ATPAF1: variants seen among roughly 807,000 people sequenced by gnomAD.
ATPAF1 encodes ATP synthase mitochondrial F1 complex assembly factor 1.
A neutral mutation model predicts 43.9 loss-of-function variants in ATPAF1; 26 were observed. The observed-to-expected ratio is 0.59, with a 90% CI of 0.43 to 0.82. The LOEUF (loss-of-function observed/expected upper bound fraction) is 0.82, where lower values mean the gene tolerates loss of function less well. ATPAF1 is among the 40% of genes least tolerant of loss of function. The pLI is 0.00. For missense variants in ATPAF1, 366 were observed against 435.0 expected (o/e 0.84, Z 1.41); for synonymous variants, 157 against 168.0 (o/e 0.93, Z 0.50).
chr1:46,637,483 C>G lies in ATPAF1; in HGVS notation c.793-1513G>C, dbSNP rs116167937. On this transcript the variant is annotated intron_variant, in intron 8 of 8. Coordinates refer to ENST00000574428, the Ensembl canonical transcript of ATPAF1. ...TCAGACAACTCTTACTTTTGCTATACATTCTGCAGTTCTAGTCGGTCAGAG... is the reference window on the plus strand; with the variant it reads ...TCAGACAACTCTTACTTTTGCTATAGATTCTGCAGTTCTAGTCGGTCAGAG... Among the ~76,000 whole-genome samples, 484 of 152,314 alleles carry G rather than the reference C, an allele frequency of 3.2e-3. 2 individuals are homozygous for G. The highest frequency in any genetic ancestry group is 0.011 in the African/African-American group (463 of 41,556).
chr1:46,643,094 T>C (rs1675978187), intron 8 of ATPAF1, 100 bp downstream of exon 8: 1 of 909,292 alleles, frequency 1.1e-6, no homozygotes, highest in Non-Finnish European at 1.7e-6. Context: ...ACAAGGTATA[T>C]GTAGCTCTTT....
intron 6 of ATPAF1, among the ~76,000 whole-genome samples, chr1:46,652,220 AAAG>A (rs1676183923): frequency 6.6e-6 from 1 of 151,806 alleles, no homozygotes; most frequent in African/African-American, 2.4e-5. Flanking sequence ...AAAAAAAAAA[AAAG>A]AAGTTGAAAA....
chr1:46,667,405 A>G (rs1419102084), intron 1 of ATPAF1, among the ~76,000 whole-genome samples: 1 of 152,108 alleles, frequency 6.6e-6, no homozygotes, highest in Non-Finnish European at 1.5e-5. Flanking sequence ...ATAGCCCCTC[A>G]TATGCACCTT....
At chr1:46,645,990 T>C (rs1472632565) in intron 6 of ATPAF1, among the ~76,000 whole-genome samples, 4 of 151,974 alleles carry the variant, frequency 2.6e-5, no homozygotes, top group Admixed American at 2.0e-4. Flanking sequence ...ACCTGGACAA[T>C]ACAGTGAGAC....
chr1:46,638,356 C>T (rs575259131), intron 8 of ATPAF1, among the ~76,000 whole-genome samples: 15 of 152,292 alleles, frequency 9.8e-5, no homozygotes, highest in African/African-American at 3.1e-4. Context: ...TGGTGGCTCA[C>T]GCCTATAATC....
intron 6 of ATPAF1, among the ~76,000 whole-genome samples, chr1:46,651,494 T>C (rs1676169257): frequency 6.6e-6 from 1 of 152,224 alleles, no homozygotes; most frequent in South Asian, 2.1e-4. Flanking sequence ...GCATGATTTA[T>C]AGTCCTTTGG....
At chr1:46,666,817 A>G in intron 1 of ATPAF1, among the ~76,000 whole-genome samples, 1 of 152,204 alleles carries the variant, frequency 6.6e-6, no homozygotes, top group East Asian at 1.9e-4. Flanking sequence ...GTATGTGTAA[A>G]TGTTGATGGG....
intron 5 of ATPAF1, among the ~76,000 whole-genome samples, chr1:46,652,864 C>G (rs1243728993): frequency 6.6e-6 from 1 of 152,092 alleles, no homozygotes; most frequent in Non-Finnish European, 1.5e-5. Context: ...CTCCAGGGAA[C>G]TTTAACAATT....
In ATPAF1 at chr1:46,668,264, G is replaced by A. The variant is rs1190105551; in HGVS notation, c.59C>T (p.Ala20Val). 2.2e-6 allele frequency: 3 copies of A among 1,388,602 alleles called. No individual in the cohort carries two copies. The highest frequency in any genetic ancestry group is 1.5e-5 in the South Asian group (1 of 64,764). 86.0% of individuals were successfully genotyped at this position (1,388,602 alleles called of 1,614,324 possible). The change falls in exon 1 of 9, where the codon GCC (alanine) becomes GTC (valine). Residue 20 changes from alanine to valine, a missense_variant. Physicochemically the swap from Ala to Val is moderately conservative, Grantham distance 64. Coordinates refer to ENST00000574428, the Ensembl canonical transcript of ATPAF1. The surrounding 1 kb of genome is among the most constrained non-coding windows in gnomAD (Gnocchi z 4.4). ...CGCGCACAGGCCCCGGTAGAGACCG[G>A]CCACCTGCAGGACCGCCGGTCCCGC... is the stretch of plus-strand genomic sequence containing the variant.
chr1:46,636,104 C>G (rs771994346), intron 8 of ATPAF1, 134 bp from the exon 9 acceptor site: 22 of 962,006 alleles, frequency 2.3e-5, no homozygotes, highest in Non-Finnish European at 3.6e-5. Flanking sequence ...CTTGAAGTCC[C>G]TAGTCTTGGT....
At chr1:46,651,814 T>C (rs1010422679) in intron 6 of ATPAF1, among the ~76,000 whole-genome samples, 2 of 151,822 alleles carry the variant, frequency 1.3e-5, no homozygotes, top group African/African-American at 2.4e-5. Flanking sequence ...GAATCTACAA[T>C]GAACTCAAAC....
intron 6 of ATPAF1, among the ~76,000 whole-genome samples, chr1:46,649,805 A>G (rs1339206966): frequency 6.6e-6 from 1 of 152,060 alleles, no homozygotes; most frequent in African/African-American, 2.4e-5. Flanking sequence ...GCATGTTTGT[A>G]ATCCCAGCTA....
chr1:46,639,063 C>T (rs1675899024), intron 8 of ATPAF1, among the ~76,000 whole-genome samples: 2 of 152,168 alleles, frequency 1.3e-5, no homozygotes, highest in South Asian at 4.1e-4. Flanking sequence ...TAGACTTGAA[C>T]TACACAATGT....
intron 7 of ATPAF1, 36 bp from the exon 8 acceptor site, chr1:46,643,337 T>C (rs1199722680): frequency 6.6e-7 from 1 of 1,512,616 alleles, no homozygotes; most frequent in Non-Finnish European, 9.1e-7. Context: ...CTCAATAAGG[T>C]ACCATCACAA....
At chr1:46,659,629 A>C (rs1371681774) in intron 2 of ATPAF1, among the ~76,000 whole-genome samples, 1 of 152,184 alleles carries the variant, frequency 6.6e-6, no homozygotes, top group Non-Finnish European at 1.5e-5. Flanking sequence ...TATCTCTCAT[A>C]AAGGTCATAG....
intron 1 of ATPAF1, among the ~76,000 whole-genome samples, chr1:46,667,791 G>A (rs1362270737): frequency 2.6e-5 from 4 of 152,196 alleles, no homozygotes; most frequent in African/African-American, 9.6e-5. Flanking sequence ...GCCTGCCTCA[G>A]GGCTGTCATA....
intron 2 of ATPAF1, 118 bp downstream of exon 2, chr1:46,665,138 G>T: frequency 1.1e-6 from 1 of 879,192 alleles, no homozygotes. Context: ...AGTTGGGAGA[G>T]ACTATGTTCA....
exon 3 of ATPAF1, chr1:46,658,690 G>C: frequency 6.3e-7 from 1 of 1,597,702 alleles, no homozygotes; most frequent in South Asian, 1.1e-5. Context: ...AACCTACCTT[G>C]TCCTTAGTGA....
intron 6 of ATPAF1, among the ~76,000 whole-genome samples, chr1:46,648,452 G>A (rs1226042079): frequency 2.0e-5 from 3 of 151,946 alleles, no homozygotes; most frequent in East Asian, 1.9e-4. Flanking sequence ...TCTGTTGTCC[G>A]GTCTGGGCTC....
Sources: allele counts gnomAD v4.1 joint callset (sites outside exome capture counted in the v4.1 genomes callset), GRCh38; gene constraint gnomAD v4.1.1; non-coding constraint Gnocchi (gnomAD v3.1); transcripts MANE v1.5; gene names NCBI Gene and HGNC (gene_info 2026-07-23, HGNC 2026-07-21).